DIP2C: variants seen among roughly 807,000 people sequenced by gnomAD.
DIP2C encodes the protein disco-interacting protein 2 homolog C.
In DIP2C, 33 loss-of-function variants were observed where a neutral mutation model predicts 192.4. The observed-to-expected ratio is 0.17, with a 90% CI of 0.13 to 0.23. The LOEUF (loss-of-function observed/expected upper bound fraction) is 0.23, where lower values mean the gene tolerates loss of function less well. Among genes scored for constraint, DIP2C ranks in the 10% least tolerant of loss-of-function variants. The pLI is 1.00. For synonymous variants in DIP2C, 979 were observed against 864.1 expected, an observed-to-expected ratio of 1.13 and a Z score of -2.33; for missense variants, 1,537 against 2,110.1, an observed-to-expected ratio of 0.73 and a Z score of 5.32.
At chr10:449,917 CAACA>C (rs1342827291) in intron 3 of DIP2C, among the ~76,000 whole-genome samples, 5 of 22,530 alleles carry the variant, frequency 2.2e-4, no homozygotes, top group Non-Finnish European at 3.3e-4. Context: ...CAGTCAACAA[CAACA>C]AAAAAAAAAA....
rs1224606817 is a variant in DIP2C, at chr10:415,750, T to C, written c.859+19A>G. The C allele has an allele frequency of 3.1e-6, 5 of 1,613,292 alleles. No individual in the cohort carries two copies. The highest frequency in any genetic ancestry group is 4.2e-6 in the Non-Finnish European group (5 of 1,179,626). On this transcript the variant is annotated intron_variant, in intron 7 of 36. Coordinates refer to ENST00000280886, the MANE Select transcript of DIP2C (RefSeq NM_014974.3). Reference sequence around the variant, plus strand: ...CATAGGAGCATCTGGAAGAAACGTGTGGTAAAGAGTTCTCTCACCTTCTAA... The same window carrying C: ...CATAGGAGCATCTGGAAGAAACGTGCGGTAAAGAGTTCTCTCACCTTCTAA...
chr10:515,624 G>A (rs970465908), intron 1 of DIP2C, among the ~76,000 whole-genome samples: 2 of 152,292 alleles, frequency 1.3e-5, no homozygotes, highest in African/African-American at 4.8e-5. Context: ...TCAAGAGGCT[G>A]AGGCAGGAAG....
chr10:578,413 C>T (rs1000387662), intron 1 of DIP2C, among the ~76,000 whole-genome samples: 5 of 152,168 alleles, frequency 3.3e-5, no homozygotes, highest in African/African-American at 9.7e-5. Flanking sequence ...AGCTAGACAG[C>T]TGCTATATTA....
chr10:386,056 C>T (rs752219643), intron 14 of DIP2C, among the ~76,000 whole-genome samples: 13 of 152,162 alleles, frequency 8.5e-5, no homozygotes, highest in Non-Finnish European at 1.8e-4. Flanking sequence ...GCACCACCAG[C>T]GGGAGCTCCT....
At chr10:324,760 T>C (rs1239181532) in intron 31 of DIP2C, 1 of 367,084 alleles carries the variant, frequency 2.7e-6, no homozygotes, top group African/African-American at 2.1e-5. Flanking sequence ...CGCACATTCA[T>C]TCAATATCCA....
intron 1 of DIP2C, among the ~76,000 whole-genome samples, chr10:505,671 G>A (rs1484477419): frequency 6.6e-6 from 1 of 151,086 alleles, no homozygotes; most frequent in Non-Finnish European, 1.5e-5. Flanking sequence ...CTGCCCAGCT[G>A]TGCTTCCTGT....
intron 1 of DIP2C, among the ~76,000 whole-genome samples, chr10:574,717 C>T (rs1850045010): frequency 6.6e-6 from 1 of 152,184 alleles, no homozygotes; most frequent in Admixed American, 6.5e-5. Context: ...TCCAGGCCCT[C>T]GAAAATCAAG....
At chr10:546,986 G>T (rs7076375) in intron 1 of DIP2C, among the ~76,000 whole-genome samples, 39,297 of 152,150 alleles carry the variant, frequency 0.26, 7,216 homozygotes, top group African/African-American at 0.52. Flanking sequence ...TTAAGTGGCA[G>T]AGTTTGTAAG....
chr10:529,619 G>C (rs1847255679), intron 1 of DIP2C, among the ~76,000 whole-genome samples: 1 of 152,168 alleles, frequency 6.6e-6, no homozygotes, highest in African/African-American at 2.4e-5. Flanking sequence ...ATCCACAAAC[G>C]ATCAGGGTGG....
intron 3 of DIP2C, among the ~76,000 whole-genome samples, chr10:468,822 C>T (rs192220837): frequency 1.1e-4 from 17 of 152,296 alleles, no homozygotes; most frequent in East Asian, 7.7e-4. Context: ...AAAACTACAA[C>T]GGCATCCATG....
At chr10:418,432 T>A (rs1008680390) in intron 6 of DIP2C, among the ~76,000 whole-genome samples, 2 of 152,094 alleles carry the variant, frequency 1.3e-5, no homozygotes, top group Non-Finnish European at 2.9e-5. Context: ...AAGGGCATTG[T>A]ATTTCACCGC....
intron 1 of DIP2C, among the ~76,000 whole-genome samples, chr10:653,594 G>C (rs1446514466): frequency 6.6e-6 from 1 of 152,210 alleles, no homozygotes; most frequent in Non-Finnish European, 1.5e-5. Flanking sequence ...CCTTGATCCT[G>C]CTACAGTAAT....
At chr10:663,154 T>C (rs769034390) in intron 1 of DIP2C, 6 of 485,270 alleles carry the variant, frequency 1.2e-5, no homozygotes, top group Non-Finnish European at 1.8e-5. Flanking sequence ...GGTGAGTTTC[T>C]GTTGCAATTC....
rs191081071 is a variant in DIP2C, at chr10:512,892, C to T, written c.86-26362G>A. 2.6e-3 allele frequency among the ~76,000 whole-genome samples: 343 copies of T among 132,788 alleles called. 3 individuals carry two copies. The highest frequency in any genetic ancestry group is 6.3e-3 in the Admixed American group (74 of 11,718). The allele number at this position is 132,788 out of a possible 152,430, so 87.1% of individuals were successfully genotyped here. On this transcript the variant is annotated intron_variant, in intron 1 of 36. Transcript: ENST00000280886. ...TTGCGCCACTGTACTCCACTCCAGC[C>T]TGGGTGACAACAGCGAGACCCCACT...
rs184142942 is a variant in DIP2C, at chr10:379,335, T to C, written c.1991+3312A>G. ...CATCCTGCGTATTTATCAAGCGGGA[T>C]ACTGGAGGTTCCATTGATCCTGTGA... is the stretch of plus-strand genomic sequence containing the variant. On this transcript the variant is annotated intron_variant, in intron 17 of 36. Coordinates refer to ENST00000280886, the MANE Select transcript of DIP2C (RefSeq NM_014974.3). Among the ~76,000 whole-genome samples the C allele has an allele frequency of 6.0e-3, 919 of 152,044 alleles. 4 individuals are homozygous for C. The highest frequency in any genetic ancestry group is 0.014 in the Middle Eastern group (4 of 294).
intron 1 of DIP2C, among the ~76,000 whole-genome samples, chr10:568,363 G>A (rs1173608995): frequency 6.6e-6 from 1 of 152,156 alleles, no homozygotes; most frequent in Non-Finnish European, 1.5e-5. Context: ...GGGGTGAGAC[G>A]CTGTTCAACA....
At chr10:572,158 G>A (rs999014748) in intron 1 of DIP2C, among the ~76,000 whole-genome samples, 1 of 152,194 alleles carries the variant, frequency 6.6e-6, no homozygotes, top group Admixed American at 6.5e-5. Flanking sequence ...CGGGAGCTGG[G>A]GCCCTCGACA....
At chr10:281,400 T>C in intron 35 of DIP2C, 77 bp from the exon 36 acceptor site, 1 of 1,501,286 alleles carries the variant, frequency 6.7e-7, no homozygotes, top group Non-Finnish European at 8.9e-7. Flanking sequence ...TAAAAAAAGA[T>C]TAAAAACGAC....
chr10:351,000 G>A (rs1958778377), intron 24 of DIP2C, among the ~76,000 whole-genome samples: 1 of 151,836 alleles, frequency 6.6e-6, no homozygotes, highest in Non-Finnish European at 1.5e-5. Context: ...GTGTAGGGAT[G>A]GAGCGCGCGG....
Sources: gnomAD v4.1 joint callset for allele counts (sites outside exome capture counted in the v4.1 genomes callset) on GRCh38, gnomAD v4.1.1 for gene constraint, MANE v1.5 for transcripts, NCBI Gene and HGNC (gene_info 2026-07-23, HGNC 2026-07-21) for gene names.